IMPG1: variants seen among roughly 807,000 people sequenced by gnomAD.
The protein encoded by IMPG1 is interphotoreceptor matrix proteoglycan 1, also known as interphotoreceptor matrix proteoglycan of 150 kDa.
In IMPG1, 85 loss-of-function variants were observed where a neutral mutation model predicts 92.0. The observed-to-expected ratio is 0.92, with a 90% CI of 0.78 to 1.11. The LOEUF is 1.11. Ranked by LOEUF, IMPG1 falls within the 50% of genes least tolerant of loss-of-function variation. The pLI is 0.00. For missense variants in IMPG1, 1,022 were observed against 956.0 expected (o/e 1.07, Z -0.91); for synonymous variants, 367 against 334.1 (o/e 1.10, Z -1.08).
Position 76,022,140 on chromosome 6 carries a change from G to T in IMPG1, c.642C>A (p.Leu214=). 1.3e-6 allele frequency: 2 copies of T among 1,590,766 alleles called. No homozygotes were observed. The highest frequency in any genetic ancestry group is 1.1e-5 in the South Asian group (1 of 90,580). Residue 214 remains leucine (L), a synonymous_variant, in exon 6 of 17, where the codon CTC becomes CTA. Coordinates refer to ENST00000369950, the MANE Select transcript of IMPG1 (RefSeq NM_001563.4). ...CTGTTGTAGGCATCTTGGTGTCGTT[G>T]AGTGTATTATCGAGAATTTCATTGA... ...TLLNEILDNT[L]NDTKMPTTER...
At chr6:75,933,702 T>C (rs2149451250) in intron 14 of IMPG1, among the ~76,000 whole-genome samples, 1 of 152,324 alleles carries the variant, frequency 6.6e-6, no homozygotes. Context: ...TGTCGTTGCA[T>C]TTCAGGCCCT....
intron 1 of IMPG1, among the ~76,000 whole-genome samples, chr6:76,046,223 T>G (rs1262807275): frequency 6.6e-6 from 1 of 152,182 alleles, no homozygotes; most frequent in African/African-American, 2.4e-5. Flanking sequence ...TTCCTTATAT[T>G]TTCCCTACTT....
At chr6:75,932,966 G>A (rs1781688634) in intron 14 of IMPG1, among the ~76,000 whole-genome samples, 9 of 152,172 alleles carry the variant, frequency 5.9e-5, no homozygotes. Context: ...CTCCCAAAGT[G>A]CTGGGATTAC....
chr6:76,036,145 T>C (rs1349268138), intron 2 of IMPG1, among the ~76,000 whole-genome samples: 1 of 152,024 alleles, frequency 6.6e-6, no homozygotes, highest in Non-Finnish European at 1.5e-5. Flanking sequence ...AAAATTGATG[T>C]TAAAGTTTTC....
At chr6:76,036,402 C>T (rs887120455) in intron 2 of IMPG1, among the ~76,000 whole-genome samples, 5 of 152,184 alleles carry the variant, frequency 3.3e-5, no homozygotes, top group African/African-American at 1.2e-4. Flanking sequence ...TATTTACAAA[C>T]ATTAACACCC....
chr6:76,015,935 T>C (rs1554234152), intron 7 of IMPG1, among the ~76,000 whole-genome samples: 1 of 151,880 alleles, frequency 6.6e-6, no homozygotes, highest in Non-Finnish European at 1.5e-5. Flanking sequence ...AGAGCAAGAG[T>C]TCTGGTGCCA....
chr6:75,978,303 A>C (rs1782571969), intron 12 of IMPG1, among the ~76,000 whole-genome samples: 2 of 152,096 alleles, frequency 1.3e-5, no homozygotes, highest in African/African-American at 4.8e-5. Context: ...GCTGCACTAG[A>C]GCATCTTTGT....
intron 12 of IMPG1, among the ~76,000 whole-genome samples, chr6:76,000,759 C>A (rs76445500): frequency 0.063 from 9,512 of 152,146 alleles, 390 homozygotes; most frequent in South Asian, 0.11. Context: ...AAAGTTACAT[C>A]CCTGCTTTAT....
intron 12 of IMPG1, among the ~76,000 whole-genome samples, chr6:75,959,981 A>T (rs776230753): frequency 2.0e-5 from 3 of 152,096 alleles, no homozygotes; most frequent in Non-Finnish European, 2.9e-5. Context: ...CTTGAAACCC[A>T]GGGCCCTGGT....
chr6:75,974,330 CCTTTCTTTCTTTCTTTCTTT>C lies in IMPG1; in HGVS notation c.1292-23256_1292-23237del, dbSNP rs558072098. Among the ~76,000 whole-genome samples, 812 of 98,270 alleles carry C rather than the reference CCTTTCTTTCTTTCTTTCTTT, an allele frequency of 8.3e-3. 9 individuals carry two copies. Among genetic ancestry groups the C allele is most frequent in the African/African-American group, 0.025 (658 of 26,100 alleles). 64.5% of individuals were successfully genotyped at this position (98,270 alleles called of 152,430 possible). A position where few individuals can be genotyped will look rare whatever the true frequency, so the allele number is the denominator to read the frequency against. On this transcript the variant is annotated intron_variant, in intron 12 of 16. Coordinates refer to ENST00000369950, the MANE Select transcript of IMPG1 (RefSeq NM_001563.4). ...TTTTCTTTCTTTCCCTCTTTCTTTCCCTTTCTTTCTTTCTTTCTTTCTTTCTTTCTTTCTTTCTTTCTTTC... is the reference window on the plus strand; with the variant it reads ...TTTTCTTTCTTTCCCTCTTTCTTTCCCTTTCTTTCTTTCTTTCTTTCTTTC...
chr6:76,061,862 T>A (rs73753921), intron 1 of IMPG1, among the ~76,000 whole-genome samples: 7,584 of 152,308 alleles, frequency 0.05, 642 homozygotes, highest in African/African-American at 0.17. Context: ...GGTGTCTTTT[T>A]GAAGTAATTG....
chr6:75,922,100 C>T lies in IMPG1; in HGVS notation c.2383G>A (p.Glu795Lys), dbSNP rs2149446455. ...TACATTTTCAGTTTTTAATTTCCTT[C>T]CCAATCTTGATGGTTAAATTCTTCA... The part of the protein sequence containing the change: ...EYEEFNHQDW[E>K]GN The change falls in exon 17 of 17, where the codon GAA (glutamate) becomes AAA (lysine). Residue 795 changes from glutamate (E) to lysine (K), a missense_variant. Physicochemically the swap from Glu to Lys is moderately conservative, Grantham distance 56. This residue lies in a region of IMPG1 where 332 missense variants were observed against 346.2 expected (regional missense o/e 0.96). Coordinates refer to ENST00000369950, the MANE Select transcript of IMPG1 (RefSeq NM_001563.4). The T allele has an allele frequency of 2.2e-6, 3 of 1,333,412 alleles. No homozygotes were observed. The highest frequency in any genetic ancestry group is 3.2e-6 in the Non-Finnish European group (3 of 937,376). 82.6% of individuals were successfully genotyped at this position (1,333,412 alleles called of 1,614,324 possible).
At chr6:75,987,142 T>C (rs1782729885) in intron 12 of IMPG1, among the ~76,000 whole-genome samples, 1 of 152,058 alleles carries the variant, frequency 6.6e-6, no homozygotes, top group Non-Finnish European at 1.5e-5. Context: ...GAGGCCTAAA[T>C]TCCTCTTTGC....
chr6:75,924,527 T>TTATAATATAATTAATATAATTATATAG (rs1781492763), intron 15 of IMPG1, among the ~76,000 whole-genome samples: 1 of 50,372 alleles, frequency 2.0e-5, no homozygotes, highest in Non-Finnish European at 3.6e-5. Flanking sequence ...TAATTATATA[T>TTATAATATAATTAATATAATTATATAG]TATAATATAA....
intron 12 of IMPG1, among the ~76,000 whole-genome samples, chr6:75,973,250 G>A (rs1782452074): frequency 6.6e-6 from 1 of 152,100 alleles, no homozygotes; most frequent in African/African-American, 2.4e-5. Context: ...AAAGTGTCCG[G>A]ATTACAGGCA....
chr6:76,013,227 T>C (rs999442054), intron 7 of IMPG1, among the ~76,000 whole-genome samples: 1 of 152,064 alleles, frequency 6.6e-6, no homozygotes, highest in African/African-American at 2.4e-5. Flanking sequence ...AAGATCCAAC[T>C]GTTTAGAATG....
At chr6:75,948,909 T>C (rs139173344) in intron 13 of IMPG1, among the ~76,000 whole-genome samples, 1 of 152,254 alleles carries the variant, frequency 6.6e-6, no homozygotes, top group East Asian at 1.9e-4. Flanking sequence ...AACAGGGATG[T>C]ACCAATGACC....
chr6:75,959,869 T>A (rs1782187553), intron 12 of IMPG1, among the ~76,000 whole-genome samples: 1 of 151,888 alleles, frequency 6.6e-6, no homozygotes, highest in Non-Finnish European at 1.5e-5. Flanking sequence ...TCCAGGGGAG[T>A]GAACAGTTCC....
intron 12 of IMPG1, among the ~76,000 whole-genome samples, chr6:76,000,627 G>C (rs9352255): frequency 2.0e-5 from 3 of 152,220 alleles, no homozygotes; most frequent in Non-Finnish European, 2.9e-5. Flanking sequence ...TGGAAGCCCA[G>C]ATGTAGGAGT....
Sources: allele counts gnomAD v4.1 joint callset (sites outside exome capture counted in the v4.1 genomes callset), GRCh38; gene constraint gnomAD v4.1.1; regional missense constraint gnomAD v4.1.1; transcripts MANE v1.5; gene names NCBI Gene and HGNC (gene_info 2026-07-23, HGNC 2026-07-21).